The following MMP16 variants were observed in gnomAD, a reference collection of about 807,000 sequenced individuals.
The protein encoded by MMP16 is matrix metalloproteinase-16.
MMP16 carries 12 observed loss-of-function variants against 67.8 expected under a neutral mutation model. The ratio of observed to expected loss-of-function variants is 0.18; its 90% CI spans 0.11 to 0.29. MMP16 has a LOEUF of 0.29. Among genes scored for constraint, MMP16 ranks in the 10% least tolerant of loss-of-function variants. The pLI is 1.00. For synonymous variants in MMP16, 249 were observed against 255.9 expected, an observed-to-expected ratio of 0.97 and a Z score of 0.26; for missense variants, 475 against 765.7, an observed-to-expected ratio of 0.62 and a Z score of 4.48.
intron 1 of MMP16, among the ~76,000 whole-genome samples, chr8:88,208,932 C>A (rs1809471701): frequency 6.6e-6 from 1 of 151,444 alleles, no homozygotes; most frequent in South Asian, 2.1e-4. Flanking sequence ...CCAGAATTAA[C>A]AGAAAATGAC....
At chr8:88,219,560 T>C (rs1024826503) in intron 1 of MMP16, among the ~76,000 whole-genome samples, 3 of 152,126 alleles carry the variant, frequency 2.0e-5, no homozygotes, top group Non-Finnish European at 4.4e-5. Flanking sequence ...AAAGGTAGCC[T>C]GTTGGGATCA....
At chr8:88,285,701 C>T (rs1175075182) in intron 1 of MMP16, among the ~76,000 whole-genome samples, 1 of 152,116 alleles carries the variant, frequency 6.6e-6, no homozygotes, top group Non-Finnish European at 1.5e-5. Flanking sequence ...CTTCCAATGA[C>T]TTTTTTTCCT....
intron 6 of MMP16, among the ~76,000 whole-genome samples, chr8:88,084,996 G>A (rs895325204): frequency 6.6e-6 from 1 of 151,790 alleles, no homozygotes; most frequent in Non-Finnish European, 1.5e-5. Flanking sequence ...ATGTAACTAA[G>A]GGTAATATAT....
rs145490975 is a variant in MMP16, at chr8:88,309,122, G to A, written c.132+17953C>T. 5.4e-3 allele frequency among the ~76,000 whole-genome samples: 826 copies of A among 152,026 alleles called. 10 individuals are homozygous for A. The highest frequency in any genetic ancestry group is 0.019 in the African/African-American group (782 of 41,496). On this transcript the variant is annotated intron_variant, in intron 1 of 9. Transcript: ENST00000286614. Reference sequence around the variant, plus strand: ...ATTATAAATAAATATAGCCCTTAACGCAGTAATTCCACTTCCAGAAATTTC... The same window carrying A: ...ATTATAAATAAATATAGCCCTTAACACAGTAATTCCACTTCCAGAAATTTC...
intron 6 of MMP16, among the ~76,000 whole-genome samples, chr8:88,116,007 A>G (rs563131137): frequency 6.6e-6 from 1 of 152,252 alleles, no homozygotes; most frequent in African/African-American, 2.4e-5. Flanking sequence ...AGTCAAAATG[A>G]TAGCTTCATA....
At chr8:88,129,889 G>T (rs1335941643) in intron 4 of MMP16, among the ~76,000 whole-genome samples, 1 of 151,438 alleles carries the variant, frequency 6.6e-6, no homozygotes, top group Non-Finnish European at 1.5e-5. Flanking sequence ...CTTGACAGTG[G>T]AACACTTGGC....
intron 1 of MMP16, among the ~76,000 whole-genome samples, chr8:88,296,932 ATAAT>A (rs1811022516): frequency 6.6e-6 from 1 of 152,018 alleles, no homozygotes; most frequent in Non-Finnish European, 1.5e-5. Context: ...AAATAAATAA[ATAAT>A]TAAATAATAA....
rs4043665 is a variant in MMP16 at position 88,186,602 on chromosome 8, CAAAAAAAAAAAAAAA to C, written c.282-19_282-5del. 1 of 893,400 alleles carries C rather than the reference CAAAAAAAAAAAAAAA, an allele frequency of 1.1e-6. No homozygotes were observed. Among genetic ancestry groups the C allele is most frequent in the African/African-American group, 2.8e-5 (1 of 36,174 alleles). 55.3% of individuals were successfully genotyped at this position (893,400 alleles called of 1,614,324 possible). On this transcript the variant is annotated splice_region_variant and splice_polypyrimidine_tract_variant and intron_variant, in intron 2 of 9. Coordinates refer to ENST00000286614, the MANE Select transcript of MMP16 (RefSeq NM_005941.5). Reference sequence around the variant, plus strand: ...GCATCGGGGCTTCTTCATCCAGCTGCAAAAAAAAAAAAAAAAAAAAAAAAGCAGTATTTTCCAGTT... The same window carrying C: ...GCATCGGGGCTTCTTCATCCAGCTGCAAAAAAAAAGCAGTATTTTCCAGTT...
chr8:88,100,416 A>G (rs1297154353), intron 6 of MMP16, among the ~76,000 whole-genome samples: 1 of 152,010 alleles, frequency 6.6e-6, no homozygotes, highest in Non-Finnish European at 1.5e-5. Context: ...GCAAATCAAA[A>G]CCACAATGAG....
chr8:88,274,794 A>G (rs1810619349), intron 1 of MMP16, among the ~76,000 whole-genome samples: 1 of 152,046 alleles, frequency 6.6e-6, no homozygotes, highest in African/African-American at 2.4e-5. Context: ...AATATCAAAA[A>G]AGAGATAATT....
intron 7 of MMP16, among the ~76,000 whole-genome samples, chr8:88,073,668 C>G (rs1052750138): frequency 8.5e-5 from 13 of 152,066 alleles, no homozygotes; most frequent in African/African-American, 2.9e-4. Flanking sequence ...ACAAGTGTTT[C>G]CCAAATTCCA....
rs186905923 is a variant in MMP16, at chr8:88,093,250, G to T, written c.1084-18507C>A. 6.6e-3 allele frequency among the ~76,000 whole-genome samples: 1,005 copies of T among 151,914 alleles called. 6 individuals are homozygous for T. Among genetic ancestry groups the T allele is most frequent in the Non-Finnish European group, 9.6e-3 (649 of 67,860 alleles). On this transcript the variant is annotated intron_variant, in intron 6 of 9. Transcript: ENST00000286614. ...TTGCTCTAGGGATGCAATTAACATTGTCTAAGTGCTTCAGAAGCCGACTTT... is the reference window on the plus strand; with the variant it reads ...TTGCTCTAGGGATGCAATTAACATTTTCTAAGTGCTTCAGAAGCCGACTTT...
At chr8:88,300,538 C>A (rs1345348567) in intron 1 of MMP16, among the ~76,000 whole-genome samples, 1 of 152,170 alleles carries the variant, frequency 6.6e-6, no homozygotes, top group African/African-American at 2.4e-5. Context: ...GATAACAGTG[C>A]TTGCATTCAA....
intron 4 of MMP16, among the ~76,000 whole-genome samples, chr8:88,137,239 T>C (rs1808135559): frequency 6.6e-6 from 1 of 151,910 alleles, no homozygotes; most frequent in African/African-American, 2.4e-5. Flanking sequence ...TTTTGCCATT[T>C]TGGAGTTGTC....
chr8:88,061,167 CA>C (rs1402801576), intron 7 of MMP16, among the ~76,000 whole-genome samples: 10 of 141,964 alleles, frequency 7.0e-5, no homozygotes, highest in African/African-American at 1.8e-4. Context: ...CACACACACA[CA>C]CACCCCTCAT....
At position 88,156,252 on chromosome 8, in the gene MMP16, T is replaced by C. The variant is rs138541899; in HGVS notation, c.709+11417A>G. Among the ~76,000 whole-genome samples the C allele has an allele frequency of 7.9e-4, 120 of 152,232 alleles. 1 individual carries two copies. The highest frequency in any genetic ancestry group is 2.4e-3 in the African/African-American group (98 of 41,566). On this transcript the variant is annotated intron_variant, in intron 4 of 9. Transcript: ENST00000286614. ...TTAAAATCTGGAAAGCAAGCTGATA[T>C]TCCATGGTCTTAGGTCAATTCCCAT...
intron 1 of MMP16, among the ~76,000 whole-genome samples, chr8:88,258,800 C>T (rs1410058568): frequency 6.6e-6 from 1 of 152,098 alleles, no homozygotes; most frequent in Non-Finnish European, 1.5e-5. Context: ...AGAGAAGACA[C>T]AGTATAAAGT....
At chr8:88,099,496 T>A (rs1448438321) in intron 6 of MMP16, among the ~76,000 whole-genome samples, 6 of 152,024 alleles carry the variant, frequency 3.9e-5, no homozygotes, top group South Asian at 2.1e-4. Flanking sequence ...TTCAGCTATT[T>A]TGAAACATTT....
intron 6 of MMP16, among the ~76,000 whole-genome samples, chr8:88,084,048 T>C (rs990520528): frequency 5.1e-4 from 78 of 151,998 alleles, no homozygotes; most frequent in African/African-American, 1.8e-3. Context: ...ACCAGAAAAG[T>C]GAGAATGATC....
Sources: allele counts gnomAD v4.1 joint callset (sites outside exome capture counted in the v4.1 genomes callset), GRCh38; gene constraint gnomAD v4.1.1; transcripts MANE v1.5; gene names NCBI Gene and HGNC (gene_info 2026-07-23, HGNC 2026-07-21).